DOCK10: variants seen among roughly 807,000 people sequenced by gnomAD.
DOCK10 encodes the protein dedicator of cytokinesis 10.
DOCK10 carries 145 observed loss-of-function variants against 280.1 expected under a neutral mutation model. That is an observed-to-expected ratio of 0.52 (90% CI 0.45 to 0.59). The LOEUF is 0.59. Ranked by LOEUF, DOCK10 falls within the 20% of genes least tolerant of loss-of-function variation. DOCK10 has a pLI of 0.00. For missense variants in DOCK10, 2,368 were observed against 2,651.7 expected, an observed-to-expected ratio of 0.89 and a Z score of 2.35; for synonymous variants, 915 against 942.2, an observed-to-expected ratio of 0.97 and a Z score of 0.53.
intron 1 of DOCK10, among the ~76,000 whole-genome samples, chr2:225,027,299 G>A (rs1575173564): frequency 6.6e-6 from 1 of 152,096 alleles, no homozygotes; most frequent in Admixed American, 6.5e-5. Flanking sequence ...AGATGTTCAC[G>A]CCCAGGCACA....
intron 1 of DOCK10, among the ~76,000 whole-genome samples, chr2:224,976,722 C>T (rs183924505): frequency 5.2e-4 from 79 of 150,982 alleles, no homozygotes; most frequent in African/African-American, 7.5e-4. Flanking sequence ...GTTGAGGCCA[C>T]GTCATTCACC....
chr2:225,025,930 T>C (rs1396169863), intron 1 of DOCK10, among the ~76,000 whole-genome samples: 1 of 152,140 alleles, frequency 6.6e-6, no homozygotes, highest in Non-Finnish European at 1.5e-5. Flanking sequence ...AGATAATAAC[T>C]AAATAATTAC....
At chr2:224,919,339 G>T (rs970564671) in intron 2 of DOCK10, among the ~76,000 whole-genome samples, 3 of 151,050 alleles carry the variant, frequency 2.0e-5, no homozygotes, top group African/African-American at 4.9e-5. Context: ...GTGTATGTGT[G>T]GTATGAGTAT....
rs530223372 is a variant in DOCK10, at chr2:225,025,686, G to C, written c.123+16566C>G. On this transcript the variant is annotated intron_variant, in intron 1 of 55. Coordinates refer to ENST00000258390, the MANE Select transcript of DOCK10 (RefSeq NM_014689.3). The stretch of plus-strand genomic sequence containing the variant: ...AGAAGCATTGGACCGAAATGCCTGG[G>C]CTCTTGTTTCCAAGGCTAGGTAATA... Among the ~76,000 whole-genome samples, 6 of 152,096 alleles carry C rather than the reference G, an allele frequency of 3.9e-5. No homozygotes were observed. The East Asian group carries it at 1.2e-3, about 29-fold the overall frequency.
chr2:224,854,870 A>G, intron 16 of DOCK10, 93 bp downstream of exon 16: 1 of 906,374 alleles, frequency 1.1e-6, no homozygotes, highest in Non-Finnish European at 1.7e-6. Flanking sequence ...CAACCAACCA[A>G]CCAACCAACC....
At chr2:224,807,122 T>C (rs1472154364) in intron 33 of DOCK10, 1 of 151,954 alleles carries the variant, frequency 6.6e-6, no homozygotes, top group Non-Finnish European at 1.5e-5. Flanking sequence ...AAAAAAAAAA[T>C]CCATAGGCAT....
chr2:224,779,588 C>A (rs1457931620), intron 50 of DOCK10, among the ~76,000 whole-genome samples: 1 of 151,824 alleles, frequency 6.6e-6, no homozygotes, highest in East Asian at 1.9e-4. Context: ...GGAAACTTAC[C>A]CATATTAAAA....
At chr2:224,862,840 A>T in intron 13 of DOCK10, 94 bp from the exon 14 acceptor site, 2 of 796,514 alleles carry the variant, frequency 2.5e-6, no homozygotes, top group Non-Finnish European at 3.7e-6. Context: ...ATTATTTTAT[A>T]CTGAAACTCA....
chr2:224,768,196 A>C (rs936905315), intron 55 of DOCK10, among the ~76,000 whole-genome samples: 1 of 152,160 alleles, frequency 6.6e-6, no homozygotes, highest in Non-Finnish European at 1.5e-5. Context: ...GGATTACAGC[A>C]TGAGCCACCG....
chr2:224,803,002 A>T (rs1324412634), intron 39 of DOCK10, among the ~76,000 whole-genome samples: 2 of 152,070 alleles, frequency 1.3e-5, no homozygotes, highest in Non-Finnish European at 2.9e-5. Context: ...CTGAAGCTAG[A>T]AGGAGTGCGT....
intron 4 of DOCK10, chr2:224,893,433 T>C (rs1225850558): frequency 5.8e-6 from 1 of 172,438 alleles, no homozygotes; most frequent in East Asian, 1.8e-4. Flanking sequence ...ACATCTTCTT[T>C]CTATCAAATC....
chr2:224,904,171 T>C (rs1390483482), intron 3 of DOCK10, among the ~76,000 whole-genome samples: 1 of 152,210 alleles, frequency 6.6e-6, no homozygotes, highest in Non-Finnish European at 1.5e-5. Flanking sequence ...ATCTTAATTT[T>C]TCCATTACAT....
At chr2:224,979,394 C>T (rs1705626145) in intron 1 of DOCK10, among the ~76,000 whole-genome samples, 1 of 152,246 alleles carries the variant, frequency 6.6e-6, no homozygotes, top group African/African-American at 2.4e-5. Context: ...CATTCTGGCT[C>T]CATGGCCCAG....
At chr2:225,017,129 T>C (rs545534409) in intron 1 of DOCK10, among the ~76,000 whole-genome samples, 2 of 136,640 alleles carry the variant, frequency 1.5e-5, no homozygotes, top group African/African-American at 2.7e-5. Flanking sequence ...AAAAAAACTT[T>C]TGAGAGGATT....
At chr2:224,912,083 G>T (rs1701046623) in intron 3 of DOCK10, among the ~76,000 whole-genome samples, 1 of 151,934 alleles carries the variant, frequency 6.6e-6, no homozygotes, top group Non-Finnish European at 1.5e-5. Context: ...TTTAACTTTT[G>T]CAGACAAGTT....
At chr2:224,812,523 G>C (rs1039054979) in intron 31 of DOCK10, among the ~76,000 whole-genome samples, 1 of 152,182 alleles carries the variant, frequency 6.6e-6, no homozygotes, top group African/African-American at 2.4e-5. Flanking sequence ...CCAGCACTAT[G>C]TTGAATAGGA....
At chr2:224,965,330 C>T (rs1244682092) in intron 1 of DOCK10, among the ~76,000 whole-genome samples, 2 of 152,070 alleles carry the variant, frequency 1.3e-5, no homozygotes, top group African/African-American at 2.4e-5. Context: ...GAAAAGTACC[C>T]GTTTTCTGAC....
rs773078844 is a variant in DOCK10 at position 224,765,724 on chromosome 2, G to T, written c.6558C>A (p.Val2186=). The change falls in exon 56 of 56, where the codon GTC becomes GTA. Residue 2186 remains valine, a synonymous_variant. Transcript: ENST00000258390. ...TGGGTCTGATGCTGCAGAGCCCTCA[G>T]ACTTCAGCACTAGATGAGATGGAGA... The part of the protein sequence containing the change: ...PTVSISSSAE[V] 6.2e-7 allele frequency: 1 copy of T among 1,610,386 alleles called. No homozygotes were observed. Among genetic ancestry groups the T allele is most frequent in the Non-Finnish European group, 8.5e-7 (1 of 1,176,922 alleles).
intron 1 of DOCK10, among the ~76,000 whole-genome samples, chr2:225,035,481 A>T (rs111426323): frequency 0.047 from 6,434 of 135,532 alleles, 605 homozygotes; most frequent in African/African-American, 0.17. Context: ...CATTTTTTTT[A>T]AATCCCTAAG....
Sources: allele counts gnomAD v4.1 joint callset (sites outside exome capture counted in the v4.1 genomes callset), GRCh38; gene constraint gnomAD v4.1.1; transcripts MANE v1.5; gene names NCBI Gene and HGNC (gene_info 2026-07-23, HGNC 2026-07-21).